Variants in TTLL5 observed in about 807,000 individuals in gnomAD.
TTLL5 encodes the protein tubulin tyrosine ligase like 5.
TTLL5 carries 132 observed loss-of-function variants against 168.4 expected under a neutral mutation model. The observed-to-expected ratio is 0.78, with a 90% CI of 0.68 to 0.91. TTLL5 has a LOEUF of 0.91. TTLL5 is among the 40% of genes least tolerant of loss of function. The probability of loss-of-function intolerance (pLI) is 0.00; values close to 1 mark genes in which losing one functional copy is unlikely to be tolerated. For synonymous variants in TTLL5, 546 were observed against 558.6 expected (o/e 0.98, Z 0.32); for missense variants, 1,545 against 1,581.5 (o/e 0.98, Z 0.39).
intron 12 of TTLL5, among the ~76,000 whole-genome samples, chr14:75,727,326 G>T (rs754950784): frequency 7.2e-5 from 11 of 152,290 alleles, no homozygotes; most frequent in African/African-American, 2.6e-4. Flanking sequence ...ATAAATTGTG[G>T]TATGTCCATA....
chr14:75,858,151 A>C (rs1359532173), intron 28 of TTLL5, among the ~76,000 whole-genome samples: 1 of 152,180 alleles, frequency 6.6e-6, no homozygotes, highest in Non-Finnish European at 1.5e-5. Flanking sequence ...CCTTTGAGGA[A>C]GCCAATAGAA....
intron 17 of TTLL5, 85 bp downstream of exon 17, chr14:75,745,666 C>A: frequency 2.0e-6 from 2 of 1,011,634 alleles, no homozygotes; most frequent in East Asian, 2.5e-5. Context: ...CACTGCTCCC[C>A]CCGATGATGC....
intron 9 of TTLL5, among the ~76,000 whole-genome samples, chr14:75,715,425 G>A (rs1887372374): frequency 6.6e-6 from 1 of 152,122 alleles, no homozygotes; most frequent in Admixed American, 6.5e-5. Context: ...AACTTGACCA[G>A]TAGGTCACAT....
chr14:75,733,998 T>A lies in TTLL5; in HGVS notation c.1134T>A (p.Pro378=), dbSNP rs778185382. The A allele has an allele frequency of 6.2e-7, 1 of 1,614,062 alleles. No individual in the cohort carries two copies. Among genetic ancestry groups the A allele is most frequent in the Non-Finnish European group, 8.5e-7 (1 of 1,179,928 alleles). ...NLSPSLACDA[P]LDLKIKASMI... is the part of the protein sequence containing the mutation. ...TTCTCTGTTCTGTTAGTGATGCGCCTCTGGACCTAAAGATTAAAGCCAGTA... is the reference window on the plus strand; with the variant it reads ...TTCTCTGTTCTGTTAGTGATGCGCCACTGGACCTAAAGATTAAAGCCAGTA... Residue 378 remains proline (P), a synonymous_variant, in exon 14 of 32, where the codon CCT becomes CCA. Transcript: ENST00000298832.
chr14:75,822,377 C>G (rs1894879789), intron 28 of TTLL5, among the ~76,000 whole-genome samples: 1 of 152,088 alleles, frequency 6.6e-6, no homozygotes, highest in Non-Finnish European at 1.5e-5. Flanking sequence ...GTTTTGAGAG[C>G]TTTTAGATTG....
chr14:75,745,984 A>G (rs1018833515), intron 17 of TTLL5, among the ~76,000 whole-genome samples: 3 of 152,332 alleles, frequency 2.0e-5, no homozygotes, highest in African/African-American at 7.2e-5. Context: ...TTTGGCAACA[A>G]TAGGCACCAG....
chr14:75,793,955 C>T (rs1055405468), intron 27 of TTLL5, among the ~76,000 whole-genome samples: 2 of 151,990 alleles, frequency 1.3e-5, no homozygotes, highest in African/African-American at 2.4e-5. Context: ...AATCAAGTCT[C>T]GAAAAAAGTG....
intron 30 of TTLL5, among the ~76,000 whole-genome samples, chr14:75,897,663 A>G (rs139564099): frequency 0.018 from 2,757 of 151,938 alleles, 83 homozygotes; most frequent in African/African-American, 0.06. Context: ...TTTAGTAGAG[A>G]TGGGGTTTCA....
At chr14:75,665,845 C>G (rs1883213748) in intron 2 of TTLL5, among the ~76,000 whole-genome samples, 1 of 152,134 alleles carries the variant, frequency 6.6e-6, no homozygotes, top group Non-Finnish European at 1.5e-5. Flanking sequence ...GAGTGAGACT[C>G]CGTCTCAAAC....
At chr14:75,824,422 G>A (rs1895004964) in intron 28 of TTLL5, among the ~76,000 whole-genome samples, 1 of 126,020 alleles carries the variant, frequency 7.9e-6, no homozygotes, top group African/African-American at 3.2e-5. Context: ...GGGCATGTAA[G>A]GAGTCAGTCC....
At chr14:75,856,585 A>AG (rs908508739) in intron 28 of TTLL5, among the ~76,000 whole-genome samples, 3 of 148,406 alleles carry the variant, frequency 2.0e-5, no homozygotes, top group African/African-American at 7.4e-5. Context: ...ATTTATTCTT[A>AG]GGTATTTGAT....
intron 28 of TTLL5, among the ~76,000 whole-genome samples, chr14:75,854,238 C>G (rs1897023500): frequency 6.6e-6 from 1 of 152,182 alleles, no homozygotes; most frequent in Admixed American, 6.5e-5. Flanking sequence ...ACTCCTCTCA[C>G]TGTAGATTTG....
intron 9 of TTLL5, among the ~76,000 whole-genome samples, chr14:75,715,749 G>A (rs149042646): frequency 1.3e-5 from 2 of 151,614 alleles, no homozygotes; most frequent in East Asian, 3.9e-4. Context: ...TCTTATCCTT[G>A]CTGGGGTTCA....
At chr14:75,949,675 C>A (rs1322462113) in intron 31 of TTLL5, among the ~76,000 whole-genome samples, 1 of 151,452 alleles carries the variant, frequency 6.6e-6, no homozygotes, top group South Asian at 2.1e-4. Flanking sequence ...ATGGCAAACC[C>A]CCGTCTCTAC....
At chr14:75,945,690 G>A (rs1458177587) in intron 31 of TTLL5, among the ~76,000 whole-genome samples, 2 of 152,106 alleles carry the variant, frequency 1.3e-5, no homozygotes, top group Non-Finnish European at 1.5e-5. Flanking sequence ...TATCTAATTG[G>A]AGCTCTGGAA....
intron 9 of TTLL5, chr14:75,709,135 G>A (rs564956812): frequency 8.1e-6 from 6 of 741,730 alleles, no homozygotes; most frequent in East Asian, 2.5e-5. Flanking sequence ...GAGTGGTCAC[G>A]ACAAGCTAAA....
intron 15 of TTLL5, chr14:75,737,490 C>T (rs1425088606): frequency 1.4e-6 from 2 of 1,421,272 alleles, no homozygotes; most frequent in Non-Finnish European, 1.9e-6. Flanking sequence ...TTTTTTATAT[C>T]ATAGATCTAG....
intron 15 of TTLL5, among the ~76,000 whole-genome samples, chr14:75,739,619 G>A (rs1354420556): frequency 6.6e-6 from 1 of 152,070 alleles, no homozygotes. Context: ...AAAGAATATG[G>A]ACTTTTACAG....
At position 75,850,676 on chromosome 14, in the gene TTLL5, G is replaced by A. The variant is rs145063049; in HGVS notation, c.3327-12991G>A. On this transcript the variant is annotated intron_variant, in intron 28 of 31. Coordinates refer to ENST00000298832, the MANE Select transcript of TTLL5 (RefSeq NM_015072.5). ...CCTGGGATGACAGGCAGGATTCACC[G>A]TGATTTAAACGGGCTAGAATAATGA... is the stretch of plus-strand genomic sequence containing the variant. Among the ~76,000 whole-genome samples the A allele has an allele frequency of 6.3e-3, 965 of 152,214 alleles. 14 individuals carry two copies. The highest frequency in any genetic ancestry group is 0.02 in the African/African-American group (823 of 41,544).
Sources: allele counts gnomAD v4.1 joint callset (sites outside exome capture counted in the v4.1 genomes callset), GRCh38; gene constraint gnomAD v4.1.1; transcripts MANE v1.5; gene names NCBI Gene and HGNC (gene_info 2026-07-23, HGNC 2026-07-21).